FBXO34: variants seen among roughly 807,000 people sequenced by gnomAD.
FBXO34 encodes the protein F-box only protein 34.
A neutral mutation model predicts 24.5 loss-of-function variants in FBXO34; 12 were observed. The observed-to-expected ratio is 0.49, with a 90% CI of 0.31 to 0.79. The LOEUF is 0.79. Ranked by LOEUF, FBXO34 falls within the 30% of genes least tolerant of loss-of-function variation. FBXO34 has a pLI of 0.04. For synonymous variants in FBXO34, 320 were observed against 311.9 expected, an observed-to-expected ratio of 1.03 and a Z score of -0.27; for missense variants, 823 against 857.7, an observed-to-expected ratio of 0.96 and a Z score of 0.51.
At chr14:55,324,022 A>T (rs1883258565) in intron 1 of FBXO34, among the ~76,000 whole-genome samples, 1 of 152,146 alleles carries the variant, frequency 6.6e-6, no homozygotes, top group South Asian at 2.1e-4. Context: ...TAATTATAGA[A>T]CATTTTTGTC....
chr14:55,372,133 C>A (rs80103301), downstream of FBXO34, among the ~76,000 whole-genome samples: 3 of 152,288 alleles, frequency 2.0e-5, no homozygotes, highest in East Asian at 5.8e-4. Flanking sequence ...GCTCATCTCA[C>A]ATATCTGAAC....
chr14:55,399,080 C>T, the FBXO34 span, among the ~76,000 whole-genome samples: 10 of 152,156 alleles, frequency 6.6e-5, no homozygotes, highest in Non-Finnish European at 1.5e-4. Flanking sequence ...AATACTATTT[C>T]TGTAATCCCA....
chr14:55,397,417 T>C, the FBXO34 span: 1 of 1,613,144 alleles, frequency 6.2e-7, no homozygotes, highest in Admixed American at 1.7e-5. Flanking sequence ...GCTTAACCTT[T>C]CCTTCTTGTC....
chr14:55,412,397 C>T, the FBXO34 span, among the ~76,000 whole-genome samples: 6 of 152,194 alleles, frequency 3.9e-5, no homozygotes, highest in Non-Finnish European at 5.9e-5. Context: ...TAGTATTATA[C>T]TTTACCAATA....
At chr14:55,316,468 T>G (rs1046777738) in intron 1 of FBXO34, among the ~76,000 whole-genome samples, 2 of 151,288 alleles carry the variant, frequency 1.3e-5, no homozygotes, top group Non-Finnish European at 2.9e-5. Flanking sequence ...GGTTCACACC[T>G]GTAATCCCAG....
At chr14:55,441,514 G>A in the FBXO34 span, among the ~76,000 whole-genome samples, 1 of 152,000 alleles carries the variant, frequency 6.6e-6, no homozygotes, top group African/African-American at 2.4e-5. Flanking sequence ...ACCTAGTCAG[G>A]TGTAGTATTT....
chr14:55,428,882 T>C, the FBXO34 span: 1 of 1,614,162 alleles, frequency 6.2e-7, no homozygotes, highest in South Asian at 1.1e-5. Context: ...TCCAACCATG[T>C]TCTGAATTTT....
At chr14:55,370,215 A>AT (rs1222175688), downstream of FBXO34, among the ~76,000 whole-genome samples, 5 of 152,192 alleles carry the variant, frequency 3.3e-5, no homozygotes, top group Non-Finnish European at 7.4e-5. Context: ...GAGATGGCCC[A>AT]TGCTGGTCCT....
the FBXO34 span, among the ~76,000 whole-genome samples, chr14:55,437,659 T>C: frequency 1.3e-5 from 2 of 152,366 alleles, no homozygotes; most frequent in East Asian, 3.9e-4. Context: ...TAAATTGTTG[T>C]ATACTTTGAA....
At chr14:55,380,663 G>A in the FBXO34 span, 1 of 1,610,596 alleles carries the variant, frequency 6.2e-7, no homozygotes, top group Non-Finnish European at 8.5e-7. Flanking sequence ...AGCACTGATG[G>A]TGTAGGCAGG....
chr14:55,339,137 T>C (rs2140066655), intron 1 of FBXO34, among the ~76,000 whole-genome samples: 1 of 152,306 alleles, frequency 6.6e-6, no homozygotes, highest in East Asian at 1.9e-4. Flanking sequence ...TACCCTTAAA[T>C]GCATAGGAGA....
At chr14:55,369,601 T>C, downstream of FBXO34, 2 of 1,472,626 alleles carry the variant, frequency 1.4e-6, no homozygotes, top group Non-Finnish European at 1.8e-6. Context: ...AGATTTGGTA[T>C]GTTTTGGTCC....
chr14:55,298,954 A>G (rs878995530), intron 1 of FBXO34: 157 of 1,590,424 alleles, frequency 9.9e-5, no homozygotes, highest in Middle Eastern at 1.7e-4. Flanking sequence ...GCCAAGGCCA[A>G]GAAGGCGGCC....
the FBXO34 span, chr14:55,385,761 G>C: frequency 9.6e-7 from 1 of 1,040,876 alleles, no homozygotes; most frequent in South Asian, 1.6e-5. Context: ...GAAAACCAAT[G>C]ACCCTAGAAT....
chr14:55,395,325 C>G, the FBXO34 span: 1 of 248,890 alleles, frequency 4.0e-6, no homozygotes, highest in South Asian at 4.8e-5. Flanking sequence ...GCTGCCACGC[C>G]TCTCCCAAAC....
At chr14:55,357,485 G>A (rs1460452897), downstream of FBXO34, among the ~76,000 whole-genome samples, 3 of 152,178 alleles carry the variant, frequency 2.0e-5, no homozygotes, top group Non-Finnish European at 4.4e-5. Flanking sequence ...TTGAATTAAG[G>A]TGGACTTTTC....
the FBXO34 span, chr14:55,391,114 T>C: frequency 3.0e-5 from 19 of 636,020 alleles, no homozygotes; most frequent in South Asian, 3.1e-4. Flanking sequence ...AAAGACCTTA[T>C]GTTATAGCTT....
chr14:55,275,396 AGG>A (rs1408081473), intron 1 of FBXO34, among the ~76,000 whole-genome samples: 12 of 152,296 alleles, frequency 7.9e-5, no homozygotes, highest in Non-Finnish European at 1.6e-4. Context: ...TTTCTGTGCC[AGG>A]TACTCAGATA....
At chr14:55,369,524 A>G, downstream of FBXO34, 8 of 1,198,098 alleles carry the variant, frequency 6.7e-6, 1 homozygote, top group Non-Finnish European at 9.1e-6. Context: ...TCTTTGTTCC[A>G]GACACTATCT....
Sources: gnomAD v4.1 joint callset for allele counts (sites outside exome capture counted in the v4.1 genomes callset) on GRCh38, gnomAD v4.1.1 for gene constraint, MANE v1.5 for transcripts, NCBI Gene and HGNC (gene_info 2026-07-23, HGNC 2026-07-21) for gene names.